The following ARMCX4 variants were observed in gnomAD, a reference collection of about 807,000 sequenced individuals.
The protein encoded by ARMCX4 is armadillo repeat-containing X-linked protein 4.
A neutral mutation model predicts 34.7 loss-of-function variants in ARMCX4; 3 were observed. The ratio of observed to expected loss-of-function variants is 0.09; its 90% confidence interval spans 0.04 to 0.22. The LOEUF is 0.22. Among genes scored for constraint, ARMCX4 ranks in the 10% least tolerant of loss-of-function variants. ARMCX4 has a pLI of 1.00. For missense variants in ARMCX4, 1,448 were observed against 1,720.8 expected, an observed-to-expected ratio of 0.84 and a Z score of 2.81; for synonymous variants, 513 against 632.8, an observed-to-expected ratio of 0.81 and a Z score of 2.84.
At position 101,488,541 on chromosome X, in the gene ARMCX4, C is replaced by T. The variant is rs782239886; in HGVS notation, c.-49C>T. 1.9e-5 allele frequency: 22 copies of T among 1,153,787 alleles called. No homozygotes were observed. The highest frequency in any genetic ancestry group is 5.7e-5 in the South Asian group (3 of 52,481). On this transcript the variant is annotated 5_prime_UTR_variant, in exon 6 of 6. Transcript: ENST00000423738. ...AACTACCACTCTCTTTACCCCAGCC[C>T]GAGTGCGCTCTACCATACCTTGTTC...
intron 2 of ARMCX4, among the ~76,000 whole-genome samples, chrX:101,433,524 C>CT (rs1403915350): frequency 9.0e-6 from 1 of 111,628 alleles, no homozygotes; most frequent in Non-Finnish European, 1.9e-5. Context: ...TTCTCTGAGT[C>CT]TGAGTTTCCT....
upstream of ARMCX4, among the ~76,000 whole-genome samples, chrX:101,484,808 C>T (rs1556006089): frequency 1.8e-5 from 2 of 111,069 alleles, no homozygotes; most frequent in Non-Finnish European, 3.8e-5. Context: ...ATAATGTAAA[C>T]AAAAGAATGA....
chrX:101,482,190 C>T (rs987207414), upstream of ARMCX4, among the ~76,000 whole-genome samples: 1 of 110,721 alleles, frequency 9.0e-6, no homozygotes, highest in Non-Finnish European at 1.9e-5. Context: ...GCCAAGATCG[C>T]ACCACTGCAC....
At position 101,490,295 on chromosome X, in the gene ARMCX4, G is replaced by A. The variant is rs1556008347; in HGVS notation, c.1706G>A (p.Arg569Lys). 1 of 1,153,901 alleles carries A rather than the reference G, an allele frequency of 8.7e-7. No individual in the cohort carries two copies. The highest frequency in any genetic ancestry group is 1.1e-6 in the Non-Finnish European group (1 of 872,056). ...TTGCTTGATTCCAGGGTTGATGGTA[G>A]GGGCAATCCTAATGCCACTTCTAAA... is the stretch of plus-strand genomic sequence containing the variant. ...EALLDSRVDG[R>K]GNPNATSKAG... Residue 569 changes from arginine to lysine, a missense_variant, in exon 6 of 6, where the codon AGG becomes AAG. Physicochemically the swap from Arg to Lys is conservative, Grantham distance 26. Around this residue, in one of 2 missense-constraint regions of ARMCX4, gnomAD observed 1,343 missense variants for 1,540.7 expected, o/e 0.87. Transcript: ENST00000423738.
chrX:101,436,879 C>T (rs1930821672), intron 2 of ARMCX4, among the ~76,000 whole-genome samples: 1 of 111,643 alleles, frequency 9.0e-6, no homozygotes, highest in Admixed American at 9.6e-5. Context: ...TGTCAAAGGC[C>T]TTTTCTGCAT....
intron 2 of ARMCX4, among the ~76,000 whole-genome samples, chrX:101,441,155 G>A (rs1420223910): frequency 9.9e-5 from 11 of 111,301 alleles, no homozygotes; most frequent in Admixed American, 8.6e-4. Context: ...CCTGCTATGT[G>A]CCTGATGCTG....
chrX:101,521,254 C>T (rs182213568), intron 11 of ARMCX4, among the ~76,000 whole-genome samples: 1 of 111,412 alleles, frequency 9.0e-6, no homozygotes, highest in Admixed American at 9.6e-5. Flanking sequence ...CTAAATTGGT[C>T]AATTTTTATT....
intron 2 of ARMCX4, among the ~76,000 whole-genome samples, chrX:101,425,686 C>T (rs1270476920): frequency 1.8e-5 from 2 of 110,823 alleles, no homozygotes; most frequent in Non-Finnish European, 3.8e-5. Flanking sequence ...TGAGGTACTG[C>T]GCCCAGCCGG....
Position 101,503,724 on chromosome X carries a change from C to T in ARMCX4, c.*1178-1213C>T, listed in dbSNP as rs781824782. The stretch of plus-strand genomic sequence containing the variant: ...TGAGTAGATTGCAAAAATTTTCTCC[C>T]ATTCTGTAGGTTGCCTGTTCACTCT... On this transcript the variant is annotated intron_variant and NMD_transcript_variant, in intron 7 of 12. Transcript: ENST00000354842. Among the ~76,000 whole-genome samples, 311 of 111,227 alleles carry T rather than the reference C, an allele frequency of 2.8e-3. 1 individual carries two copies. Among genetic ancestry groups the T allele is most frequent in the African/African-American group, 9.5e-3 (291 of 30,574 alleles).
exon 13 of ARMCX4, chrX:101,533,150 G>A (rs1935163510): frequency 9.2e-6 from 1 of 108,857 alleles, no homozygotes; most frequent in Non-Finnish European, 1.9e-5. Flanking sequence ...GAATGCCCTG[G>A]CACAGCTTTG....
chrX:101,438,577 A>AG (rs1427757365), intron 2 of ARMCX4, among the ~76,000 whole-genome samples: 2 of 110,632 alleles, frequency 1.8e-5, no homozygotes, highest in Non-Finnish European at 3.8e-5. Flanking sequence ...CCCCAAAAAA[A>AG]GTCTCCCATT....
intron 4 of ARMCX4, among the ~76,000 whole-genome samples, chrX:101,464,981 C>T (rs181480124): frequency 7.0e-4 from 78 of 111,138 alleles, no homozygotes; most frequent in African/African-American, 2.5e-3. Flanking sequence ...TGAGTAATGT[C>T]TAGGATGTAT....
At chrX:101,474,441 C>T (rs1318484088) in intron 4 of ARMCX4, among the ~76,000 whole-genome samples, 1 of 107,906 alleles carries the variant, frequency 9.3e-6, no homozygotes, top group Non-Finnish European at 1.9e-5. Context: ...AAGAGGGAAT[C>T]CTCCCTAACT....
At chrX:101,436,818 C>T (rs1329808391) in intron 2 of ARMCX4, among the ~76,000 whole-genome samples, 2 of 111,584 alleles carry the variant, frequency 1.8e-5, no homozygotes, top group Non-Finnish European at 3.8e-5. Flanking sequence ...AGATACGTCC[C>T]ATCAATACCT....
At chrX:101,484,989 C>G (rs1556006187), upstream of ARMCX4, among the ~76,000 whole-genome samples, 2 of 111,667 alleles carry the variant, frequency 1.8e-5, no homozygotes, top group South Asian at 3.8e-4. Context: ...CCTGATACCC[C>G]CTTCCACAGC....
intron 11 of ARMCX4, among the ~76,000 whole-genome samples, chrX:101,519,572 T>C (rs5951343): frequency 0.53 from 58,520 of 110,270 alleles, 12,380 homozygotes; most frequent in Non-Finnish European, 0.68. Context: ...CATTCATCTT[T>C]TGGTGGACAT....
At chrX:101,473,694 G>T (rs1245907942) in intron 4 of ARMCX4, among the ~76,000 whole-genome samples, 2 of 102,610 alleles carry the variant, frequency 1.9e-5, no homozygotes, top group Admixed American at 1.1e-4. Flanking sequence ...TGAACAACCT[G>T]CTCCTGAATG....
rs782369432 is a variant in ARMCX4, at chrX:101,493,094, C to A, written c.4505C>A (p.Thr1502Asn). The change falls in exon 6 of 6, where the codon ACT becomes AAT. Residue 1502 changes from threonine to asparagine, a missense_variant. Thr to Asn is a moderately conservative substitution (Grantham distance 65). Transcript: ENST00000423738. ...TCTAGTGGAGATTCCTGGGCTGGCA[C>A]TGGGGACCAGGCCAGTGGATGGTTC... is the stretch of plus-strand genomic sequence containing the variant. Reference protein sequence around the residue: ...DQSSGDSWAGTGDQASGWFCV... With the variant: ...DQSSGDSWAGNGDQASGWFCV... The A allele has an allele frequency of 8.7e-7, 1 of 1,154,845 alleles. No homozygotes were observed. The highest frequency in any genetic ancestry group is 2.6e-5 in the Admixed American group (1 of 38,739).
intron 2 of ARMCX4, among the ~76,000 whole-genome samples, chrX:101,423,952 C>G (rs782286050): frequency 1.7e-4 from 19 of 111,425 alleles, no homozygotes; most frequent in Non-Finnish European, 3.0e-4. Context: ...CAACCTCCAT[C>G]TCACGGGTTC....
Sources: allele counts gnomAD v4.1 joint callset (sites outside exome capture counted in the v4.1 genomes callset), GRCh38; gene constraint gnomAD v4.1.1; regional missense constraint gnomAD v4.1.1; transcripts MANE v1.5; gene names NCBI Gene and HGNC (gene_info 2026-07-23, HGNC 2026-07-21).